SNX1: variants seen among roughly 807,000 people sequenced by gnomAD.
SNX1 encodes sorting nexin-1.
A neutral mutation model predicts 71.8 loss-of-function variants in SNX1; 36 were observed. That is an observed-to-expected ratio of 0.50 (90% confidence interval 0.38 to 0.66). The LOEUF (loss-of-function observed/expected upper bound fraction) is 0.66. Ranked by LOEUF, SNX1 falls within the 30% of genes least tolerant of loss-of-function variation. The pLI is 0.00. For missense variants in SNX1, 612 were observed against 646.7 expected, an observed-to-expected ratio of 0.95 and a Z score of 0.58; for synonymous variants, 254 against 240.7, an observed-to-expected ratio of 1.06 and a Z score of -0.51.
chr15:64,103,438 A>G (rs2080985249), intron 1 of SNX1, among the ~76,000 whole-genome samples: 1 of 152,110 alleles, frequency 6.6e-6, no homozygotes, highest in South Asian at 2.1e-4. Flanking sequence ...ATATTCTTTT[A>G]CATCTACGTT....
rs144366771 is a variant in SNX1, at chr15:64,131,694, G to A, written c.1023G>A (p.Ala341=). 27 of 1,613,904 alleles carry A rather than the reference G, an allele frequency of 1.7e-5. No individual in the cohort carries two copies. The highest frequency in any genetic ancestry group is 2.3e-5 in the Non-Finnish European group (27 of 1,180,042). Residue 341 remains alanine (A), a synonymous_variant, in exon 11 of 15, where the codon GCG becomes GCA. Coordinates refer to ENST00000559844, the MANE Select transcript of SNX1 (RefSeq NM_003099.5). ...ETLVNHRKEL[A]LNTAQFAKSL... ...GTCTTTTCCTCCTTCCAGAGCTAGC[G>A]CTGAACACAGCCCAGTTTGCAAAGA...
chr15:64,105,805 C>G (rs1022306865), intron 1 of SNX1, among the ~76,000 whole-genome samples: 1 of 152,120 alleles, frequency 6.6e-6, no homozygotes, highest in East Asian at 1.9e-4. Context: ...TTAACTAGCT[C>G]AGTGGTCAGC....
At chr15:64,120,536 G>A (rs532187416) in intron 4 of SNX1, among the ~76,000 whole-genome samples, 1 of 152,234 alleles carries the variant, frequency 6.6e-6, no homozygotes, top group Non-Finnish European at 1.5e-5. Flanking sequence ...TTTAGGCCAG[G>A]TGCAGTGGCT....
chr15:64,096,548 C>G (rs182991719), intron 1 of SNX1, among the ~76,000 whole-genome samples: 1 of 152,234 alleles, frequency 6.6e-6, no homozygotes, highest in Non-Finnish European at 1.5e-5. Flanking sequence ...GACCTTTCCC[C>G]CGTCTTACTG....
chr15:64,116,087 A>G (rs933672649), intron 2 of SNX1, among the ~76,000 whole-genome samples: 2 of 152,364 alleles, frequency 1.3e-5, no homozygotes, highest in African/African-American at 2.4e-5. Context: ...TGGAAGCCTT[A>G]CCAATAAGAT....
At chr15:64,132,558 T>C (rs1027764357) in intron 11 of SNX1, among the ~76,000 whole-genome samples, 2 of 152,160 alleles carry the variant, frequency 1.3e-5, no homozygotes, top group African/African-American at 4.8e-5. Context: ...TTAAGGAATT[T>C]TGACAGTAGT....
intron 1 of SNX1, among the ~76,000 whole-genome samples, chr15:64,100,166 A>G (rs1043425900): frequency 2.6e-5 from 4 of 152,214 alleles, no homozygotes; most frequent in Non-Finnish European, 2.9e-5. Context: ...CATTGATACA[A>G]CTGCTGCTGT....
chr15:64,108,107 G>C (rs956498737), intron 1 of SNX1, among the ~76,000 whole-genome samples: 1 of 151,852 alleles, frequency 6.6e-6, no homozygotes, highest in East Asian at 1.9e-4. Flanking sequence ...GCAGGAGAAC[G>C]GCATGAACCT....
chr15:64,114,887 A>T (rs1270526295), intron 2 of SNX1, among the ~76,000 whole-genome samples: 2 of 152,170 alleles, frequency 1.3e-5, no homozygotes, highest in African/African-American at 4.8e-5. Context: ...CAGGCCTGTA[A>T]TTCCAGCACT....
At chr15:64,137,467 C>T (rs897155855) in intron 14 of SNX1, 101 bp from the exon 15 acceptor site, 57 of 1,326,242 alleles carry the variant, frequency 4.3e-5, no homozygotes, top group East Asian at 1.2e-4. Context: ...GTGTGGCAGG[C>T]GCTTGGGGAG....
In SNX1 at chr15:64,129,876, C is replaced by A; in HGVS notation, c.808-40C>A. ...AATTCTTCTGAACCTAAAATAGGGG[C>A]AGCAGATAACTTGCCATCCCTGCCT... On this transcript the variant is annotated intron_variant, in intron 8 of 14. Transcript: ENST00000559844. This position sits in a 1 kb window ranked among gnomAD's most constrained non-coding sequence, Gnocchi z 4.4. 1 of 1,389,218 alleles carries A rather than the reference C, an allele frequency of 7.2e-7. No homozygotes were observed. The highest frequency in any genetic ancestry group is 1.0e-6 in the Non-Finnish European group (1 of 975,816). 86.1% of individuals were successfully genotyped at this position (1,389,218 alleles called of 1,614,324 possible). A position where few individuals can be genotyped will look rare whatever the true frequency, so the allele number is the denominator to read the frequency against.
At chr15:64,120,266 C>CTTTTTTTTTTTTT (rs35526278) in intron 4 of SNX1, among the ~76,000 whole-genome samples, 1 of 67,090 alleles carries the variant, frequency 1.5e-5, no homozygotes, top group African/African-American at 5.7e-5. Flanking sequence ...AAATGGTTGT[C>CTTTTTTTTTTTTT]TTTTTTTTTT....
chr15:64,137,478 C>T (rs994173988), intron 14 of SNX1, 90 bp from the exon 15 acceptor site: 14 of 1,448,990 alleles, frequency 9.7e-6, no homozygotes, highest in Middle Eastern at 1.8e-4. Context: ...GCTTGGGGAG[C>T]GCCAGGGTAC....
intron 1 of SNX1, among the ~76,000 whole-genome samples, chr15:64,109,816 G>A (rs1451539752): frequency 6.6e-6 from 1 of 152,160 alleles, no homozygotes; most frequent in Non-Finnish European, 1.5e-5. Flanking sequence ...GATTACAGAT[G>A]TGAGCAACTG....
chr15:64,130,450 ATGTTCTG>A, intron 10 of SNX1, 129 bp downstream of exon 10: 2 of 726,086 alleles, frequency 2.8e-6, no homozygotes, highest in Admixed American at 4.7e-5. Flanking sequence ...CTGGTCCTTG[ATGTTCTG>A]ATAAAAAAAA....
chr15:64,116,065 CCTA>C (rs1223639868), intron 2 of SNX1, among the ~76,000 whole-genome samples: 3 of 152,260 alleles, frequency 2.0e-5, no homozygotes, highest in African/African-American at 7.2e-5. Context: ...CTACTAATAG[CCTA>C]CTGTTGACTG....
chr15:64,126,115 G>A lies in SNX1; in HGVS notation c.547G>A (p.Val183Ile), dbSNP rs1333150637. Residue 183 changes from valine (V) to isoleucine (I), a missense_variant, in exon 6 of 15, where the codon GTA becomes ATA. Coordinates refer to ENST00000559844, the MANE Select transcript of SNX1 (RefSeq NM_003099.5). ...ATTGTTCAGAAGCAAACAGTTTGCA[G>A]TAAAAAGAAGATTTAGTGACTTTCT... ...LPLFRSKQFA[V>I]KRRFSDFLGL... 3 of 1,614,034 alleles carry A rather than the reference G, an allele frequency of 1.9e-6. No homozygotes were observed. The highest frequency in any genetic ancestry group is 2.5e-6 in the Non-Finnish European group (3 of 1,180,026).
At chr15:64,119,843 A>G (rs1395394912) in intron 4 of SNX1, among the ~76,000 whole-genome samples, 1 of 152,142 alleles carries the variant, frequency 6.6e-6, no homozygotes, top group African/African-American at 2.4e-5. Flanking sequence ...TAAAAAATAC[A>G]TGTTCTAAAA....
intron 1 of SNX1, among the ~76,000 whole-genome samples, chr15:64,097,705 AC>A (rs1219433697): frequency 2.0e-5 from 3 of 152,220 alleles, no homozygotes; most frequent in African/African-American, 7.2e-5. Flanking sequence ...ATTTACTCAT[AC>A]CACTTGGTAT....
Sources: gnomAD v4.1 joint callset for allele counts (sites outside exome capture counted in the v4.1 genomes callset) on GRCh38, gnomAD v4.1.1 for gene constraint, Gnocchi (gnomAD v3.1) non-coding constraint, MANE v1.5 for transcripts, NCBI Gene and HGNC (gene_info 2026-07-23, HGNC 2026-07-21) for gene names.